WDR7: variants seen among roughly 807,000 people sequenced by gnomAD.
WDR7 encodes WD repeat-containing protein 7.
A neutral mutation model predicts 169.4 loss-of-function variants in WDR7; 46 were observed. The ratio of observed to expected loss-of-function variants is 0.27; its 90% CI spans 0.21 to 0.35. The LOEUF is 0.35. Among genes scored for constraint, WDR7 ranks in the 10% least tolerant of loss-of-function variants. WDR7 has a pLI of 1.00. For synonymous variants in WDR7, 612 were observed against 666.8 expected, an observed-to-expected ratio of 0.92 and a Z score of 1.27; for missense variants, 1,534 against 1,859.3, an observed-to-expected ratio of 0.83 and a Z score of 3.22.
At chr18:56,898,237 C>T (rs953602766) in intron 21 of WDR7, among the ~76,000 whole-genome samples, 1 of 151,580 alleles carries the variant, frequency 6.6e-6, no homozygotes, top group Non-Finnish European at 1.5e-5. Context: ...AATAAAATAC[C>T]CATGAAGCCA....
chr18:57,010,223 G>C (rs1394160272), intron 26 of WDR7: 1 of 985,244 alleles, frequency 1.0e-6, no homozygotes, highest in Non-Finnish European at 1.2e-6. Flanking sequence ...TTAGCTTTGG[G>C]TTTGCCCAGA....
intron 14 of WDR7, among the ~76,000 whole-genome samples, chr18:56,742,805 C>G (rs2144862157): frequency 6.6e-6 from 1 of 152,148 alleles, no homozygotes; most frequent in Non-Finnish European, 1.5e-5. Context: ...TCTGGGAGAA[C>G]TAGGTGGCCC....
chr18:56,890,068 A>G (rs1165307074), intron 21 of WDR7, among the ~76,000 whole-genome samples: 1 of 152,186 alleles, frequency 6.6e-6, no homozygotes, highest in Non-Finnish European at 1.5e-5. Flanking sequence ...CACAGATTCC[A>G]TGAAGTTCTC....
intron 26 of WDR7, among the ~76,000 whole-genome samples, chr18:56,981,946 C>G (rs74771115): frequency 1.3e-5 from 2 of 152,144 alleles, no homozygotes; most frequent in South Asian, 2.1e-4. Context: ...AGGTAAAACC[C>G]TCAGTGATAG....
chr18:56,897,515 G>T (rs1046193905), intron 21 of WDR7, among the ~76,000 whole-genome samples: 1 of 47,130 alleles, frequency 2.1e-5, no homozygotes, highest in African/African-American at 5.3e-5. Context: ...GCTAGGGAAT[G>T]AAACCACACA....
intron 20 of WDR7, among the ~76,000 whole-genome samples, chr18:56,841,156 G>A (rs2045479998): frequency 6.6e-6 from 1 of 152,016 alleles, no homozygotes; most frequent in African/African-American, 2.4e-5. Context: ...TCGCACCACC[G>A]CACTCCAGCC....
At chr18:56,912,984 C>T (rs928937372) in intron 21 of WDR7, among the ~76,000 whole-genome samples, 22 of 151,824 alleles carry the variant, frequency 1.4e-4, no homozygotes, top group African/African-American at 3.9e-4. Flanking sequence ...AAGGGATCCT[C>T]TTATATCAGC....
intron 20 of WDR7, among the ~76,000 whole-genome samples, chr18:56,831,961 C>T (rs944652864): frequency 6.6e-6 from 1 of 152,156 alleles, no homozygotes; most frequent in Admixed American, 6.5e-5. Flanking sequence ...TTTCATACCC[C>T]AGTGGCACCT....
At chr18:56,851,264 A>T (rs1444815492) in intron 20 of WDR7, among the ~76,000 whole-genome samples, 1 of 152,066 alleles carries the variant, frequency 6.6e-6, no homozygotes, top group Non-Finnish European at 1.5e-5. Context: ...TTCTCCAAAC[A>T]TGTCTTAGTC....
chr18:56,919,782 T>C (rs1312512608), intron 21 of WDR7, among the ~76,000 whole-genome samples: 2 of 152,176 alleles, frequency 1.3e-5, no homozygotes, highest in Non-Finnish European at 2.9e-5. Flanking sequence ...ATTCAGAAAT[T>C]CTATGATTCT....
At chr18:57,003,991 C>T (rs534108826) in intron 26 of WDR7, among the ~76,000 whole-genome samples, 173 of 151,850 alleles carry the variant, frequency 1.1e-3, no homozygotes, top group African/African-American at 3.7e-3. Flanking sequence ...TCATACCCTC[C>T]GCATTATATT....
intron 22 of WDR7, among the ~76,000 whole-genome samples, chr18:56,924,759 C>A (rs938832729): frequency 6.6e-6 from 1 of 152,154 alleles, no homozygotes; most frequent in Non-Finnish European, 1.5e-5. Flanking sequence ...GCAAAGAGTT[C>A]TTTTGTTTCC....
intron 20 of WDR7, among the ~76,000 whole-genome samples, chr18:56,829,110 T>C (rs1226109106): frequency 6.9e-6 from 1 of 145,724 alleles, no homozygotes; most frequent in Non-Finnish European, 1.5e-5. Context: ...ATAGTGAAAC[T>C]TCACCTCTCC....
At position 56,929,716 on chromosome 18, in the gene WDR7, GTTCA is replaced by G. The variant is rs2046855365; in HGVS notation, c.3713+5614_3713+5617del. Among the ~76,000 whole-genome samples, 5 of 152,280 alleles carry G rather than the reference GTTCA, an allele frequency of 3.3e-5. No individual in the cohort carries two copies. In the South Asian group the frequency reaches 1.0e-3, roughly 32 times the overall value. ...AATTTTTAAATAATGGGGATGGACT[GTTCA>G]TTCATGATGAACTGTTTAAGAGAAA... On this transcript the variant is annotated intron_variant, in intron 22 of 27. Transcript: ENST00000254442.
chr18:56,835,282 A>G (rs1286138170), intron 20 of WDR7, among the ~76,000 whole-genome samples: 1 of 152,216 alleles, frequency 6.6e-6, no homozygotes, highest in African/African-American at 2.4e-5. Context: ...TTCATAATTC[A>G]GATTTATTCA....
intron 26 of WDR7, among the ~76,000 whole-genome samples, chr18:56,986,128 T>TGTGTG: frequency 7.3e-6 from 1 of 136,348 alleles, no homozygotes; most frequent in African/African-American, 2.7e-5. Flanking sequence ...TTCAGCTTCT[T>TGTGTG]TGTGTGTGTG....
chr18:56,688,499 A>G (rs1037912112), intron 7 of WDR7, among the ~76,000 whole-genome samples: 1 of 151,456 alleles, frequency 6.6e-6, no homozygotes, highest in Non-Finnish European at 1.5e-5. Context: ...CAGGCAGATC[A>G]CAAGGTCAGG....
chr18:57,005,251 T>A (rs897792436), intron 26 of WDR7, among the ~76,000 whole-genome samples: 7 of 152,172 alleles, frequency 4.6e-5, no homozygotes, highest in African/African-American at 1.7e-4. Flanking sequence ...ACTAAATGTA[T>A]GTTAAATAAT....
intron 20 of WDR7, among the ~76,000 whole-genome samples, chr18:56,833,362 A>G (rs2045346820): frequency 1.3e-5 from 2 of 152,232 alleles, no homozygotes; most frequent in African/African-American, 4.8e-5. Context: ...CTATGGGACT[A>G]TGGGAGGAAT....
Sources: gnomAD v4.1 joint callset for allele counts (sites outside exome capture counted in the v4.1 genomes callset) on GRCh38, gnomAD v4.1.1 for gene constraint, MANE v1.5 for transcripts, NCBI Gene and HGNC (gene_info 2026-07-23, HGNC 2026-07-21) for gene names.